The following DOCK4 variants were observed in gnomAD, a reference collection of about 807,000 sequenced individuals.
The protein encoded by DOCK4 is dedicator of cytokinesis 4.
A neutral mutation model predicts 268.1 loss-of-function variants in DOCK4; 97 were observed. That is an observed-to-expected ratio of 0.36 (90% CI 0.31 to 0.43). The LOEUF (loss-of-function observed/expected upper bound fraction) is 0.43, where lower values mean the gene tolerates loss of function less well. Among genes scored for constraint, DOCK4 ranks in the 20% least tolerant of loss-of-function variants. The pLI is 1.00. For synonymous variants in DOCK4, 954 were observed against 887.2 expected (o/e 1.08, Z -1.34); for missense variants, 2,145 against 2,455.7 (o/e 0.87, Z 2.67).
chr7:111,742,265 CAGCTGTCACTTTACA>C lies in DOCK4; in HGVS notation c.4678-148_4678-134del, dbSNP rs1189170458. The stretch of plus-strand genomic sequence containing the variant: ...TCCTCTGCCTCTGACAAGGTAGGAA[CAGCTGTCACTTTACA>C]GGTGAAGAAAAACTGAGGATCTGAA... On this transcript the variant is annotated intron_variant, in intron 44 of 52. Coordinates refer to ENST00000428084, the MANE Select transcript of DOCK4 (RefSeq NM_001363540.2). The C allele has an allele frequency of 8.3e-6, 8 of 968,898 alleles. No homozygotes were observed. The Admixed American group carries it at 1.2e-4, about 15-fold the overall frequency. The allele number at this position is 968,898 out of a possible 1,614,324, so 60.0% of individuals were successfully genotyped here.
chr7:112,107,870 G>T (rs1563091621), intron 1 of DOCK4, among the ~76,000 whole-genome samples: 1 of 152,244 alleles, frequency 6.6e-6, no homozygotes, highest in Non-Finnish European at 1.5e-5. Context: ...GACCAAGGAA[G>T]ACAGGGCCTA....
intron 1 of DOCK4, among the ~76,000 whole-genome samples, chr7:112,087,007 G>T (rs561717146): frequency 6.6e-6 from 1 of 152,068 alleles, no homozygotes; most frequent in East Asian, 1.9e-4. Flanking sequence ...TAAGAAGGAA[G>T]AAAAGACAGA....
At chr7:112,026,830 C>A (rs2135437754) in intron 1 of DOCK4, among the ~76,000 whole-genome samples, 1 of 152,300 alleles carries the variant, frequency 6.6e-6, no homozygotes, top group Non-Finnish European at 1.5e-5. Flanking sequence ...CTCCAACTTC[C>A]ATTCCCTTGC....
In DOCK4 at chr7:111,901,796, T is replaced by C. The variant is rs1791172336; in HGVS notation, c.1198A>G (p.Met400Val). ...GFSNIIMPGE[M>V]RNDLYITIER... is the part of the protein sequence containing the mutation. Reference sequence around the variant, plus strand: ...ATAGTGATATATAAATCATTCCTCATTTCACCTATAAGGAAAGGAAAATTA... The same window carrying C: ...ATAGTGATATATAAATCATTCCTCACTTCACCTATAAGGAAAGGAAAATTA... The change falls in exon 14 of 53, where the codon ATG becomes GTG. Residue 400 changes from methionine (M) to valine (V), a missense_variant. Coordinates refer to ENST00000428084, the MANE Select transcript of DOCK4 (RefSeq NM_001363540.2). The C allele has an allele frequency of 1.9e-6, 3 of 1,569,608 alleles. No individual in the cohort carries two copies. Among genetic ancestry groups the C allele is most frequent in the Non-Finnish European group, 2.6e-6 (3 of 1,145,402 alleles).
intron 1 of DOCK4, among the ~76,000 whole-genome samples, chr7:112,031,626 C>T (rs1195747236): frequency 6.6e-6 from 1 of 152,172 alleles, no homozygotes; most frequent in African/African-American, 2.4e-5. Flanking sequence ...TCTTTTCTCT[C>T]TCCTGAGCTG....
chr7:112,040,348 T>C (rs1327006637), intron 1 of DOCK4, among the ~76,000 whole-genome samples: 1 of 152,194 alleles, frequency 6.6e-6, no homozygotes, highest in Non-Finnish European at 1.5e-5. Flanking sequence ...ATGGCTTAAT[T>C]AAATAAATCA....
chr7:112,076,296 TG>T lies in DOCK4; in HGVS notation c.38-72166del, dbSNP rs545745191. ...GTTTGAGTTAACTAAGAAAAAGAAT[TG>T]GGGGGGTTCTTAAAATATTTAAAAT... On this transcript the variant is annotated intron_variant, in intron 1 of 52. Coordinates refer to ENST00000428084, the MANE Select transcript of DOCK4 (RefSeq NM_001363540.2). Among the ~76,000 whole-genome samples, 551 of 152,064 alleles carry T rather than the reference TG, an allele frequency of 3.6e-3. 2 individuals carry two copies. Among genetic ancestry groups the T allele is most frequent in the African/African-American group, 0.012 (518 of 41,500 alleles).
intron 1 of DOCK4, among the ~76,000 whole-genome samples, chr7:112,124,215 C>T (rs1338780822): frequency 6.6e-6 from 1 of 151,904 alleles, no homozygotes; most frequent in South Asian, 2.1e-4. Flanking sequence ...GAGACGAGAT[C>T]CTGTTTTGTC....
chr7:111,907,464 T>TG (rs1404036384), intron 13 of DOCK4, among the ~76,000 whole-genome samples: 2 of 152,066 alleles, frequency 1.3e-5, no homozygotes, highest in Non-Finnish European at 2.9e-5. Flanking sequence ...CCTATACTCT[T>TG]GGGGCAGTGG....
chr7:111,839,959 T>C (rs1431922457), intron 25 of DOCK4, among the ~76,000 whole-genome samples: 1 of 152,180 alleles, frequency 6.6e-6, no homozygotes, highest in Non-Finnish European at 1.5e-5. Flanking sequence ...TTTTAAGATA[T>C]TTTAAGAATG....
In DOCK4 at chr7:111,741,180, A is replaced by T; in HGVS notation, c.4954T>A (p.Ser1652Thr). 1 of 1,613,980 alleles carries T rather than the reference A, an allele frequency of 6.2e-7. No homozygotes were observed. The highest frequency in any genetic ancestry group is 8.5e-7 in the Non-Finnish European group (1 of 1,179,900). ...GAAGCTTGTGAGGACAGTGAGGAGG[A>T]AGAATATCGGTTGACAGCTGGGTAA... ...LSYPAVNRYS[S>T]SSLSSQASAE... Residue 1652 changes from serine (S) to threonine (T), a missense_variant, in exon 47 of 53, where the codon TCC (serine) becomes ACC (threonine). Coordinates refer to ENST00000428084, the MANE Select transcript of DOCK4 (RefSeq NM_001363540.2).
intron 1 of DOCK4, among the ~76,000 whole-genome samples, chr7:112,004,540 C>T (rs1013275523): frequency 2.0e-5 from 3 of 152,096 alleles, no homozygotes; most frequent in Non-Finnish European, 4.4e-5. Context: ...AATATATTTC[C>T]TGCTTGTTAT....
At chr7:112,022,286 C>G (rs1025668172) in intron 1 of DOCK4, among the ~76,000 whole-genome samples, 1 of 152,206 alleles carries the variant, frequency 6.6e-6, no homozygotes, top group Non-Finnish European at 1.5e-5. Context: ...CTCCTCACAG[C>G]AACTCTCTGC....
intron 16 of DOCK4, among the ~76,000 whole-genome samples, chr7:111,878,269 G>C (rs1256682890): frequency 6.6e-6 from 1 of 152,172 alleles, no homozygotes; most frequent in African/African-American, 2.4e-5. Flanking sequence ...CTGCTGATGT[G>C]TCCGACTTTT....
intron 23 of DOCK4, among the ~76,000 whole-genome samples, chr7:111,861,486 C>A (rs1432064592): frequency 1.3e-5 from 2 of 151,942 alleles, no homozygotes; most frequent in Non-Finnish European, 2.9e-5. Flanking sequence ...GTGGCTCACG[C>A]CTGTAATCCT....
At chr7:112,166,481 A>C (rs1563150081) in intron 1 of DOCK4, among the ~76,000 whole-genome samples, 1 of 152,184 alleles carries the variant, frequency 6.6e-6, no homozygotes, top group Non-Finnish European at 1.5e-5. Flanking sequence ...TATTCTAAGT[A>C]ATCACTTTGG....
intron 8 of DOCK4, among the ~76,000 whole-genome samples, chr7:111,973,156 C>CATGCATAT (rs1554399516): frequency 9.6e-5 from 11 of 114,062 alleles, no homozygotes; most frequent in African/African-American, 1.4e-4. Context: ...TATTCCATGG[C>CATGCATAT]ATATATATAT....
At chr7:111,957,361 TG>T (rs1170404049) in intron 8 of DOCK4, among the ~76,000 whole-genome samples, 1 of 152,136 alleles carries the variant, frequency 6.6e-6, no homozygotes, top group Non-Finnish European at 1.5e-5. Context: ...ATAAAGAAAC[TG>T]GTGAATTAAG....
chr7:112,136,110 T>C (rs1367793392), intron 1 of DOCK4, among the ~76,000 whole-genome samples: 1 of 152,226 alleles, frequency 6.6e-6, no homozygotes, highest in East Asian at 1.9e-4. Context: ...CTCAGAAGTT[T>C]TGGCCTCAGT....
Sources: allele counts gnomAD v4.1 joint callset (sites outside exome capture counted in the v4.1 genomes callset), GRCh38; gene constraint gnomAD v4.1.1; transcripts MANE v1.5; gene names NCBI Gene and HGNC (gene_info 2026-07-23, HGNC 2026-07-21).